KRT5: variants seen among roughly 807,000 people sequenced by gnomAD.
The protein encoded by KRT5 is keratin 5, also known as keratin, type II cytoskeletal 5.
Under a neutral mutation model 44.0 loss-of-function variants are expected in KRT5, and 17 were observed. The observed-to-expected ratio is 0.39, with a 90% CI of 0.26 to 0.58. KRT5 has a LOEUF of 0.58. Among genes scored for constraint, KRT5 ranks in the 20% least tolerant of loss-of-function variants. The pLI is 0.61. For missense variants in KRT5, 737 were observed against 785.5 expected (o/e 0.94, Z 0.74); for synonymous variants, 329 against 312.8 (o/e 1.05, Z -0.55).
In KRT5 at chr12:52,519,544, G is replaced by A. The variant is rs1938675280; in HGVS notation, c.555+198C>T. The A allele has an allele frequency of 7.2e-6, 5 of 690,564 alleles. No individual in the cohort carries two copies. In the Admixed American group the frequency reaches 8.9e-5, roughly 12 times the overall value. The allele number at this position is 690,564 out of a possible 1,614,324, so 42.8% of individuals were successfully genotyped here. ...GCCCTTGTGAGCTAACCTCTGAATG[G>A]GAAGAAATAATTCTCCCTTCCCAGC... On this transcript the variant is annotated intron_variant, in intron 1 of 8. Transcript: ENST00000252242.
Position 52,520,353 on chromosome 12 carries a change from G to A in KRT5, c.-57C>T. 6.5e-7 allele frequency: 1 copy of A among 1,537,028 alleles called. No homozygotes were observed. The highest frequency in any genetic ancestry group is 9.0e-7 in the Non-Finnish European group (1 of 1,115,228). On this transcript the variant is annotated 5_prime_UTR_variant, in exon 1 of 9. Transcript: ENST00000252242. ...AGGCACTAGTGGGTTGGGAGGTGCT[G>A]GAGAGAACAGAGCTCAGCAGGACGC...
chr12:52,516,706 A>C lies in KRT5; in HGVS notation c.1370T>G (p.Met457Arg). The C allele has an allele frequency of 6.2e-7, 1 of 1,614,166 alleles. No individual in the cohort carries two copies. Among genetic ancestry groups the C allele is most frequent in the Non-Finnish European group, 8.5e-7 (1 of 1,180,032 alleles). Residue 457 changes from methionine (M) to arginine (R), a missense_variant, in exon 7 of 9, where the codon ATG (methionine) becomes AGG (arginine). This residue lies in a region of KRT5 where 344 missense variants were observed against 351.6 expected (regional missense o/e 0.98). Coordinates refer to ENST00000252242, the MANE Select transcript of KRT5 (RefSeq NM_000424.4). The stretch of plus-strand genomic sequence containing the variant: ...CACGTCCAGGGCCAGCTTGGTGTTC[A>C]TGAGCTCCTGGTACTCACGCAGCAG... The part of the protein sequence containing the change: ...ARLLREYQEL[M>R]NTKLALDVEI...
chr12:52,514,639 G>GATT lies in KRT5; in HGVS notation c.*300_*302dup, dbSNP rs1938574217. The GATT allele has an allele frequency of 2.4e-6, 1 of 425,268 alleles. No homozygotes were observed. Among genetic ancestry groups the GATT allele is most frequent in the African/African-American group, 2.0e-5 (1 of 50,178 alleles). 26.3% of individuals were successfully genotyped at this position (425,268 alleles called of 1,614,324 possible). Reference sequence around the variant, plus strand: ...TAGTTAGAACCAAAACAAAATTTGGGATTGGGGTGGGGATTCTGTTTTGAT... The same window carrying GATT: ...TAGTTAGAACCAAAACAAAATTTGGGATTATTGGGGTGGGGATTCTGTTTTGAT... On this transcript the variant is annotated 3_prime_UTR_variant, in exon 9 of 9. Coordinates refer to ENST00000252242, the MANE Select transcript of KRT5 (RefSeq NM_000424.4).
Position 52,520,018 on chromosome 12 carries a change from G to T in KRT5, c.279C>A (p.Gly93=). 6.2e-7 allele frequency: 1 copy of T among 1,613,948 alleles called. No individual in the cohort carries two copies. Among genetic ancestry groups the T allele is most frequent in the Non-Finnish European group, 8.5e-7 (1 of 1,179,990 alleles). ...CGGCACCACCTCCAAAGCCATAGCC[G>T]CCTCCAGCACCAGCACCAAACCGGT... is the stretch of plus-strand genomic sequence containing the variant. The part of the protein sequence containing the change: ...FRNRFGAGAG[G]GYGFGGGAGS... The change falls in exon 1 of 9, where the codon GGC becomes GGA. Residue 93 remains glycine (G), a synonymous_variant. Coordinates refer to ENST00000252242, the MANE Select transcript of KRT5 (RefSeq NM_000424.4).
chr12:52,517,147 A>T lies in KRT5; in HGVS notation c.1178T>A (p.Ile393Asn). 1 of 1,614,034 alleles carries T rather than the reference A, an allele frequency of 6.2e-7. No individual in the cohort carries two copies. The highest frequency in any genetic ancestry group is 8.5e-7 in the Non-Finnish European group (1 of 1,179,990). The change falls in exon 6 of 9, where the codon ATC (isoleucine) becomes AAC (asparagine). Residue 393 changes from isoleucine to asparagine, a missense_variant. Ile to Asn is a moderately radical substitution (Grantham distance 149). Coordinates refer to ENST00000252242, the MANE Select transcript of KRT5 (RefSeq NM_000424.4). Reference protein sequence around the residue: ...KHEISEMNRMIQRLRAEIDNV... With the variant: ...KHEISEMNRMNQRLRAEIDNV... The stretch of plus-strand genomic sequence containing the variant: ...GTCAATCTCGGCTCTCAGCCTCTGG[A>T]TCATCCGGTTCATCTCAGAGATCTC...
intron 2 of KRT5, 38 bp downstream of exon 2, chr12:52,518,908 A>C: frequency 1.9e-6 from 3 of 1,613,068 alleles, no homozygotes; most frequent in Non-Finnish European, 1.7e-6. Flanking sequence ...CCAAGAAGAC[A>C]CCACCCTCCC....
At chr12:52,515,524 TG>T in intron 8 of KRT5, 2 of 621,764 alleles carry the variant, frequency 3.2e-6, no homozygotes, top group Non-Finnish European at 5.7e-6. Context: ...AGCTAGGTAC[TG>T]GGGGGAGCTA....
rs746080330 is a variant in KRT5 at position 52,520,288 on chromosome 12, G to A, written c.9C>T (p.Arg3=). The change falls in exon 1 of 9, where the codon CGC becomes CGT. Residue 3 remains arginine (R), a synonymous_variant. Coordinates refer to ENST00000252242, the MANE Select transcript of KRT5 (RefSeq NM_000424.4). MS[R]QSSVSFRSGG... ...CGCTCCGGAAGGACACACTTGACTG[G>A]CGAGACATGGTGGCTTGTTCCTGGT... 6.8e-6 allele frequency: 11 copies of A among 1,613,230 alleles called. No individual in the cohort carries two copies. The highest frequency in any genetic ancestry group is 6.6e-5 in the South Asian group (6 of 91,056).
intron 7 of KRT5, 43 bp downstream of exon 7, chr12:52,516,594 T>C (rs1425503797): frequency 6.3e-7 from 1 of 1,591,186 alleles, no homozygotes; most frequent in Non-Finnish European, 8.6e-7. Flanking sequence ...GCAGCTTCGC[T>C]TTATCAGCTG....
chr12:52,516,474 T>A (rs966405707), intron 7 of KRT5, 163 bp downstream of exon 7: 37 of 744,566 alleles, frequency 5.0e-5, no homozygotes, highest in Non-Finnish European at 8.2e-5. Context: ...GAAAAGTGAG[T>A]TGAGGTCAGC....
In KRT5 at chr12:52,519,897, C is replaced by G. The variant is rs1938683749; in HGVS notation, c.400G>C (p.Val134Leu). ...GGGFGGPGFP[V>L]CPPGGIQEVT... ...TCTTGGATACCTCCAGGAGGGCAGA[C>G]AGGAAAGCCAGGGCCACCGAAGCCA... is the stretch of plus-strand genomic sequence containing the variant. The change falls in exon 1 of 9, where the codon GTC (valine) becomes CTC (leucine). Residue 134 changes from valine (V) to leucine (L), a missense_variant. Val to Leu is a conservative substitution (Grantham distance 32, BLOSUM62 1). Coordinates refer to ENST00000252242, the MANE Select transcript of KRT5 (RefSeq NM_000424.4). 7 of 1,613,886 alleles carry G rather than the reference C, an allele frequency of 4.3e-6. No individual in the cohort carries two copies. The South Asian group carries it at 5.5e-5, about 13-fold the overall frequency.
intron 5 of KRT5, 114 bp from the exon 6 acceptor site, chr12:52,517,346 G>C (rs1349430760): frequency 2.2e-6 from 3 of 1,362,830 alleles, no homozygotes; most frequent in Admixed American, 3.5e-5. Context: ...GGCTGGTTCA[G>C]GCTTTTCCAA....
rs374535811 is a variant in KRT5, at chr12:52,516,768, C to G, written c.1308G>C (p.Glu436Asp). 128 of 1,614,128 alleles carry G rather than the reference C, an allele frequency of 7.9e-5. No individual in the cohort carries two copies. Among genetic ancestry groups the G allele is most frequent in the Non-Finnish European group, 1.0e-4 (123 of 1,180,058 alleles). Reference protein sequence around the residue: ...KDARNKLAELEEALQKAKQDM... With the variant: ...KDARNKLAELDEALQKAKQDM... ...CCTGCTTGGCCTTCTGCAGGGCCTC[C>G]TCCAGCTCGGCCAGCTTGTTCCTGG... is the stretch of plus-strand genomic sequence containing the variant. The change falls in exon 7 of 9, where the codon GAG (glutamate) becomes GAC (aspartate). Residue 436 changes from glutamate to aspartate, a missense_variant. Transcript: ENST00000252242.
At position 52,520,345 on chromosome 12, in the gene KRT5, G is replaced by A. The variant is rs1219447578; in HGVS notation, c.-49C>T. Reference sequence around the variant, plus strand: ...AGAGAACCAGGCACTAGTGGGTTGGGAGGTGCTGGAGAGAACAGAGCTCAG... The same window carrying A: ...AGAGAACCAGGCACTAGTGGGTTGGAAGGTGCTGGAGAGAACAGAGCTCAG... On this transcript the variant is annotated 5_prime_UTR_variant, in exon 1 of 9. Transcript: ENST00000252242. 3 of 1,571,898 alleles carry A rather than the reference G, an allele frequency of 1.9e-6. No homozygotes were observed. The South Asian group carries it at 3.4e-5, about 18-fold the overall frequency.
intron 2 of KRT5, 142 bp from the exon 3 acceptor site, chr12:52,518,305 C>T: frequency 2.5e-6 from 2 of 785,848 alleles, no homozygotes; most frequent in Non-Finnish European, 4.5e-6. Flanking sequence ...ACACTGGTAG[C>T]ATGAACCTCT....
Position 52,520,124 on chromosome 12 carries a change from C to G in KRT5, c.173G>C (p.Gly58Ala). The G allele has an allele frequency of 1.2e-6, 2 of 1,614,046 alleles. No individual in the cohort carries two copies. Among genetic ancestry groups the G allele is most frequent in the Non-Finnish European group, 1.7e-6 (2 of 1,179,962 alleles). The change falls in exon 1 of 9, where the codon GGT becomes GCT. Residue 58 changes from glycine (G) to alanine (A), a missense_variant. Physicochemically the swap from Gly to Ala is moderately conservative, Grantham distance 60. Around this residue, in one of 5 missense-constraint regions of KRT5, gnomAD observed 326 missense variants for 333.1 expected, o/e 0.98. Transcript: ENST00000252242. ...GTAGAGGCTCCGGCTGCCATAGCCA[C>G]CCACTCCACAAGCACCCGCAAGGCT... The part of the protein sequence containing the change: ...RVSLAGACGV[G>A]GYGSRSLYNL...
intron 3 of KRT5, 45 bp from the exon 4 acceptor site, chr12:52,518,037 C>G (rs770610430): frequency 1.2e-5 from 20 of 1,610,740 alleles, no homozygotes; most frequent in Non-Finnish European, 1.7e-5. Context: ...CGTCACCCTA[C>G]TCAAGTGAGC....
At chr12:52,518,249 T>A in intron 2 of KRT5, 86 bp from the exon 3 acceptor site, 1 of 1,307,700 alleles carries the variant, frequency 7.6e-7, no homozygotes, top group Non-Finnish European at 1.1e-6. Flanking sequence ...GTAAGCCTAC[T>A]TTTGCAGTGG....
chr12:52,519,640 C>T (rs1565593903), intron 1 of KRT5, 102 bp downstream of exon 1: 3 of 1,221,812 alleles, frequency 2.5e-6, no homozygotes, highest in Admixed American at 1.7e-5. Context: ...AACTGTACAA[C>T]TATAAAAGTA....
Sources: allele counts gnomAD v4.1 joint callset, GRCh38; gene constraint gnomAD v4.1.1; regional missense constraint gnomAD v4.1.1; transcripts MANE v1.5; gene names NCBI Gene and HGNC (gene_info 2026-07-23, HGNC 2026-07-21).